Variants in CTNNA3 observed in about 807,000 individuals in gnomAD.
CTNNA3 encodes the protein catenin alpha 3, also known as catenin alpha-3.
A neutral mutation model predicts 95.7 loss-of-function variants in CTNNA3; 76 were observed. The observed-to-expected ratio is 0.79, with a 90% confidence interval of 0.66 to 0.96. The LOEUF (loss-of-function observed/expected upper bound fraction) is 0.96, where lower values mean the gene tolerates loss of function less well. CTNNA3 is among the 40% of genes least tolerant of loss of function. The pLI, the probability that CTNNA3 is intolerant of heterozygous loss-of-function variation, is 0.00. For synonymous variants in CTNNA3, 431 were observed against 374.4 expected (o/e 1.15, Z -1.74); for missense variants, 1,191 against 1,089.8 (o/e 1.09, Z -1.31).
intron 7 of CTNNA3, among the ~76,000 whole-genome samples, chr10:66,938,212 C>T (rs1343210187): frequency 6.6e-6 from 1 of 152,044 alleles, no homozygotes; most frequent in African/African-American, 2.4e-5. Flanking sequence ...TATGTACACT[C>T]TTCTCATTTA....
chr10:66,538,047 A>G (rs1841721555), intron 10 of CTNNA3, among the ~76,000 whole-genome samples: 1 of 152,102 alleles, frequency 6.6e-6, no homozygotes, highest in Non-Finnish European at 1.5e-5. Context: ...TCAATCATAG[A>G]TATTTTCTTA....
At chr10:66,742,666 G>A (rs866823816) in intron 9 of CTNNA3, among the ~76,000 whole-genome samples, 13 of 152,080 alleles carry the variant, frequency 8.5e-5, no homozygotes, top group African/African-American at 2.2e-4. Context: ...TTCTCAGACC[G>A]GCTGACACTT....
At chr10:67,386,766 TAG>T (rs1844184730) in intron 5 of CTNNA3, among the ~76,000 whole-genome samples, 1 of 152,116 alleles carries the variant, frequency 6.6e-6, no homozygotes, top group African/African-American at 2.4e-5. Context: ...ATGATAAAGG[TAG>T]GAAATAGTGT....
At chr10:66,069,737 AC>A (rs1313960531) in intron 14 of CTNNA3, among the ~76,000 whole-genome samples, 2 of 152,282 alleles carry the variant, frequency 1.3e-5, no homozygotes, top group East Asian at 3.9e-4. Context: ...TGTCCAACAT[AC>A]TTAAATCCAT....
intron 10 of CTNNA3, among the ~76,000 whole-genome samples, chr10:66,541,817 A>C (rs1234129846): frequency 6.6e-6 from 1 of 152,186 alleles, no homozygotes; most frequent in African/African-American, 2.4e-5. Context: ...ACTATTAAAT[A>C]GCTGTTAAAG....
chr10:65,983,325 T>G (rs1004887628), intron 16 of CTNNA3, among the ~76,000 whole-genome samples: 2 of 151,674 alleles, frequency 1.3e-5, no homozygotes, highest in African/African-American at 2.4e-5. Flanking sequence ...CAGATGCTAA[T>G]TTTATTTTGG....
intron 7 of CTNNA3, among the ~76,000 whole-genome samples, chr10:66,797,570 G>C (rs1355331307): frequency 6.6e-6 from 1 of 151,936 alleles, no homozygotes. Context: ...AGGTTGAAAA[G>C]AACAGTGCCA....
intron 15 of CTNNA3, among the ~76,000 whole-genome samples, chr10:66,005,204 C>A (rs909612371): frequency 1.3e-5 from 2 of 152,138 alleles, no homozygotes; most frequent in Admixed American, 1.3e-4. Context: ...TGGACCAACA[C>A]AGATGATTTA....
chr10:66,642,682 T>A (rs906095197), intron 9 of CTNNA3, among the ~76,000 whole-genome samples: 3 of 152,168 alleles, frequency 2.0e-5, no homozygotes, highest in Admixed American at 1.3e-4. Flanking sequence ...TCCAAATATT[T>A]TAAAAGCCTA....
chr10:66,826,609 T>G lies in CTNNA3; in HGVS notation c.1048-51085A>C, dbSNP rs905228948. ...AGCCAAAAGTAAGCTCCAAACAAATTTAATGTTTGAACTATTACATGAGTA... is the reference window on the plus strand; with the variant it reads ...AGCCAAAAGTAAGCTCCAAACAAATGTAATGTTTGAACTATTACATGAGTA... On this transcript the variant is annotated intron_variant, in intron 7 of 17. Transcript: ENST00000433211. Among the ~76,000 whole-genome samples the G allele has an allele frequency of 5.3e-5, 8 of 152,316 alleles. 1 individual carries two copies. The highest frequency in any genetic ancestry group is 1.3e-4 in the Admixed American group (2 of 15,290).
At chr10:66,257,025 G>A (rs1385620196) in intron 13 of CTNNA3, among the ~76,000 whole-genome samples, 1 of 151,912 alleles carries the variant, frequency 6.6e-6, no homozygotes, top group Non-Finnish European at 1.5e-5. Context: ...GGCTGTCACA[G>A]CTACAGCCTT....
At chr10:66,899,803 C>T (rs1451562385) in intron 7 of CTNNA3, among the ~76,000 whole-genome samples, 1 of 152,076 alleles carries the variant, frequency 6.6e-6, no homozygotes, top group Non-Finnish European at 1.5e-5. Context: ...GGGGGAGAAG[C>T]ATCTGCCACT....
chr10:66,660,760 T>G (rs950654119), intron 9 of CTNNA3, among the ~76,000 whole-genome samples: 2 of 152,140 alleles, frequency 1.3e-5, no homozygotes, highest in Non-Finnish European at 2.9e-5. Flanking sequence ...TTCACTTCCC[T>G]ATTTAAAATT....
At chr10:66,973,044 T>C (rs1208312859) in intron 7 of CTNNA3, among the ~76,000 whole-genome samples, 1 of 152,218 alleles carries the variant, frequency 6.6e-6, no homozygotes, top group Non-Finnish European at 1.5e-5. Context: ...AAATATGCTA[T>C]AATAGTAATA....
chr10:66,315,580 A>AAT (rs1350247345), intron 12 of CTNNA3, among the ~76,000 whole-genome samples: 1 of 151,932 alleles, frequency 6.6e-6, no homozygotes, highest in Non-Finnish European at 1.5e-5. Context: ...TTTTGTTTAT[A>AAT]TACACTTGCT....
intron 13 of CTNNA3, among the ~76,000 whole-genome samples, chr10:66,244,943 G>A (rs11510879): frequency 2.0e-5 from 3 of 152,090 alleles, no homozygotes; most frequent in East Asian, 1.9e-4. Flanking sequence ...CTTTTGTTAC[G>A]GGATCTTTGG....
intron 6 of CTNNA3, among the ~76,000 whole-genome samples, chr10:67,185,992 C>T (rs1862825842): frequency 6.7e-6 from 1 of 149,262 alleles, no homozygotes; most frequent in African/African-American, 2.5e-5. Flanking sequence ...CACCAGTGTA[C>T]TCCAGCCTAG....
At chr10:66,388,034 T>A (rs867359631) in intron 11 of CTNNA3, among the ~76,000 whole-genome samples, 9 of 152,108 alleles carry the variant, frequency 5.9e-5, no homozygotes, top group Non-Finnish European at 1.2e-4. Flanking sequence ...ACATGGCACA[T>A]GTATACCTAT....
intron 7 of CTNNA3, among the ~76,000 whole-genome samples, chr10:66,881,187 A>G (rs1844838556): frequency 6.6e-6 from 1 of 152,136 alleles, no homozygotes. Context: ...TGAAAACAAC[A>G]TAAGAAACAG....
Sources: allele counts gnomAD v4.1 joint callset (sites outside exome capture counted in the v4.1 genomes callset), GRCh38; gene constraint gnomAD v4.1.1; transcripts MANE v1.5; gene names NCBI Gene and HGNC (gene_info 2026-07-23, HGNC 2026-07-21).